The following PDE8B variants were observed in gnomAD, a reference collection of about 807,000 sequenced individuals.
The protein encoded by PDE8B is phosphodiesterase 8B, also known as high affinity cAMP-specific and IBMX-insensitive 3',5'-cyclic phosphodiesterase 8B.
PDE8B carries 26 observed loss-of-function variants against 101.3 expected under a neutral mutation model. That is an observed-to-expected ratio of 0.26 (90% confidence interval 0.19 to 0.36). The LOEUF is 0.36. Ranked by LOEUF, PDE8B falls within the 10% of genes least tolerant of loss-of-function variation. The probability of loss-of-function intolerance (pLI) is 1.00; values close to 1 mark genes in which losing one functional copy is unlikely to be tolerated. For synonymous variants in PDE8B, 424 were observed against 429.3 expected (o/e 0.99, Z 0.15); for missense variants, 810 against 1,163.1 (o/e 0.70, Z 4.42).
At chr5:77,250,953 G>A (rs1207658620) in intron 1 of PDE8B, among the ~76,000 whole-genome samples, 1 of 152,194 alleles carries the variant, frequency 6.6e-6, no homozygotes, top group Non-Finnish European at 1.5e-5. Flanking sequence ...ATAGATACTG[G>A]ACTAAATAAC....
chr5:77,382,996 C>T (rs1787807140), intron 10 of PDE8B, among the ~76,000 whole-genome samples: 4 of 152,186 alleles, frequency 2.6e-5, no homozygotes, highest in South Asian at 2.1e-4. Flanking sequence ...GGTTCTAGAT[C>T]CTTGAGGAAT....
At chr5:77,288,687 G>C (rs932078555) in intron 1 of PDE8B, among the ~76,000 whole-genome samples, 1 of 152,142 alleles carries the variant, frequency 6.6e-6, no homozygotes, top group Non-Finnish European at 1.5e-5. Context: ...AAGTTTGACA[G>C]TTGCTATGTT....
At chr5:77,099,959 A>G in the PDE8B span, among the ~76,000 whole-genome samples, 240 of 152,348 alleles carry the variant, frequency 1.6e-3, no homozygotes, top group Admixed American at 4.0e-3. Flanking sequence ...TACTGGTTGC[A>G]GAAAGAAATG....
chr5:77,301,858 CATA>C (rs1447778780), intron 1 of PDE8B, among the ~76,000 whole-genome samples: 2 of 152,206 alleles, frequency 1.3e-5, no homozygotes, highest in Non-Finnish European at 2.9e-5. Context: ...AGAATTTTGA[CATA>C]ATCATAGCAT....
chr5:77,407,337 C>G (rs758357581), intron 12 of PDE8B, 44 bp from the exon 13 acceptor site: 1 of 1,516,858 alleles, frequency 6.6e-7, no homozygotes, highest in Admixed American at 1.7e-5. Context: ...CTTAGCCACA[C>G]TGAGCCACCG....
Position 77,408,911 on chromosome 5 carries a change from G to A in PDE8B, c.1384G>A (p.Ala462Thr). 1.2e-6 allele frequency: 2 copies of A among 1,613,388 alleles called. No individual in the cohort carries two copies. Among genetic ancestry groups the A allele is most frequent in the Non-Finnish European group, 1.7e-6 (2 of 1,179,314 alleles). The change falls in exon 14 of 22, where the codon GCA (alanine) becomes ACA (threonine). Residue 462 changes from alanine to threonine, a missense_variant. Physicochemically the swap from Ala to Thr is moderately conservative, Grantham distance 58. Coordinates refer to ENST00000264917, the MANE Select transcript of PDE8B (RefSeq NM_003719.5). ...CCGTTAGGTTATAAATATAATCAAT[G>A]CAGCCCAAGAAAACAGCCCAGTCAC... is the stretch of plus-strand genomic sequence containing the variant. ...PITKVINIIN[A>T]AQENSPVTVA... is the part of the protein sequence containing the mutation.
chr5:77,391,733 A>AGG (rs900692573), intron 10 of PDE8B, among the ~76,000 whole-genome samples: 57 of 152,306 alleles, frequency 3.7e-4, no homozygotes, highest in African/African-American at 1.4e-3. Flanking sequence ...GGCTGGCCCG[A>AGG]GGGGCAGAGG....
At chr5:77,404,615 A>C in intron 11 of PDE8B, 105 bp from the exon 12 acceptor site, 2 of 746,884 alleles carry the variant, frequency 2.7e-6, no homozygotes, top group Non-Finnish European at 4.7e-6. Flanking sequence ...AGTGCTTAAA[A>C]AGTAACCTTG....
chr5:77,203,388 A>T, the PDE8B span, among the ~76,000 whole-genome samples: 4 of 152,258 alleles, frequency 2.6e-5, no homozygotes, highest in South Asian at 2.1e-4. Flanking sequence ...TCTTGTGTGT[A>T]TGTCTGTGTT....
intron 1 of PDE8B, among the ~76,000 whole-genome samples, chr5:77,273,116 A>T (rs978319436): frequency 6.6e-6 from 1 of 152,182 alleles, no homozygotes; most frequent in African/African-American, 2.4e-5. Context: ...CAAATTTATG[A>T]TGTGGCAGAC....
chr5:77,404,304 T>C (rs542309554), intron 11 of PDE8B, among the ~76,000 whole-genome samples: 1 of 152,010 alleles, frequency 6.6e-6, no homozygotes, highest in South Asian at 2.1e-4. Context: ...TGTATTTTTT[T>C]AGTAGAGACA....
chr5:77,253,071 A>G (rs943949173), intron 1 of PDE8B, among the ~76,000 whole-genome samples: 2 of 152,182 alleles, frequency 1.3e-5, no homozygotes, highest in African/African-American at 4.8e-5. Flanking sequence ...ATTAATTGGT[A>G]TACTAGGAGC....
At chr5:77,255,959 C>A (rs1759074954) in intron 1 of PDE8B, among the ~76,000 whole-genome samples, 1 of 152,124 alleles carries the variant, frequency 6.6e-6, no homozygotes, top group Admixed American at 6.5e-5. Flanking sequence ...TTGGAGTAAG[C>A]CCTGCCAACT....
At chr5:77,324,757 G>A (rs6873924) in intron 2 of PDE8B, among the ~76,000 whole-genome samples, 1 of 152,044 alleles carries the variant, frequency 6.6e-6, no homozygotes, top group Non-Finnish European at 1.5e-5. Flanking sequence ...GTTCAAAGAG[G>A]TGGCCTCCAG....
chr5:77,117,579 CTT>C, the PDE8B span, among the ~76,000 whole-genome samples: 1 of 152,226 alleles, frequency 6.6e-6, no homozygotes, highest in East Asian at 1.9e-4. Context: ...GGTTAGGAAT[CTT>C]TTGTGTGTTG....
the PDE8B span, chr5:77,139,747 T>A: frequency 6.6e-6 from 1 of 152,274 alleles, no homozygotes; most frequent in East Asian, 1.9e-4. Context: ...GTTTTAAGTT[T>A]CAGTGGCTAT....
intron 1 of PDE8B, among the ~76,000 whole-genome samples, chr5:77,222,958 A>G (rs1456016132): frequency 2.0e-5 from 3 of 152,220 alleles, no homozygotes; most frequent in Non-Finnish European, 2.9e-5. Context: ...TTGATGGCTG[A>G]GAATACTCTT....
At chr5:77,135,382 T>G in the PDE8B span, among the ~76,000 whole-genome samples, 1 of 151,924 alleles carries the variant, frequency 6.6e-6, no homozygotes, top group Non-Finnish European at 1.5e-5. Flanking sequence ...CTAATTGAAA[T>G]AATAATATGA....
chr5:77,098,693 G>C, the PDE8B span: 1 of 152,214 alleles, frequency 6.6e-6, no homozygotes, highest in Non-Finnish European at 1.5e-5. Context: ...AGAAGAAATT[G>C]ATCTGGCCTA....
Sources: allele counts gnomAD v4.1 joint callset (sites outside exome capture counted in the v4.1 genomes callset), GRCh38; gene constraint gnomAD v4.1.1; transcripts MANE v1.5; gene names NCBI Gene and HGNC (gene_info 2026-07-23, HGNC 2026-07-21).